Variants in AP2A2 observed in about 807,000 individuals in gnomAD.
The protein encoded by AP2A2 is adaptor related protein complex 2 subunit alpha 2, also known as AP-2 complex subunit alpha-2.
Under a neutral mutation model 104.2 loss-of-function variants are expected in AP2A2, and 32 were observed. The ratio of observed to expected loss-of-function variants is 0.31; its 90% CI spans 0.23 to 0.41. The LOEUF (loss-of-function observed/expected upper bound fraction) is 0.41, where lower values mean the gene tolerates loss of function less well. AP2A2 is among the 10% of genes least tolerant of loss of function. The probability of loss-of-function intolerance (pLI) is 1.00; values close to 1 mark genes in which losing one functional copy is unlikely to be tolerated. For synonymous variants in AP2A2, 539 were observed against 533.3 expected (o/e 1.01, Z -0.15); for missense variants, 912 against 1,261.0 (o/e 0.72, Z 4.19).
rs557830735 is a variant in AP2A2 at position 944,652 on chromosome 11, A to G, written c.68-14785A>G. Among the ~76,000 whole-genome samples the G allele has an allele frequency of 7.9e-5, 12 of 152,218 alleles. No individual in the cohort carries two copies. The South Asian group carries it at 2.5e-3, about 32-fold the overall frequency. On this transcript the variant is annotated intron_variant, in intron 1 of 21. Coordinates refer to ENST00000448903, the MANE Select transcript of AP2A2 (RefSeq NM_012305.4). ...AATGAGGGTATAGGTGTTCAATTTT[A>G]AGTAGAATGATCAGGGCCGGCCCTT...
Position 993,265 on chromosome 11 carries a change from C to T in AP2A2, c.1453-19C>T, listed in dbSNP as rs1353457928. On this transcript the variant is annotated intron_variant, in intron 11 of 21. Coordinates refer to ENST00000448903, the MANE Select transcript of AP2A2 (RefSeq NM_012305.4). The surrounding 1 kb of genome is among the most constrained non-coding windows in gnomAD (Gnocchi z 8.2). ...CTGGCACCTGGCTGCCACCCCGGCT[C>T]ATTGTTTGTGCTTCGCAGGCTCTTC... 6.3e-7 allele frequency: 1 copy of T among 1,595,656 alleles called. No homozygotes were observed. Among genetic ancestry groups the T allele is most frequent in the East Asian group, 2.2e-5 (1 of 44,450 alleles).
intron 5 of AP2A2, among the ~76,000 whole-genome samples, chr11:979,271 C>T (rs1238501893): frequency 6.6e-6 from 1 of 150,466 alleles, no homozygotes; most frequent in South Asian, 2.2e-4. Flanking sequence ...CGTGAACATT[C>T]AGGAGCCCCG....
intron 6 of AP2A2, among the ~76,000 whole-genome samples, chr11:982,620 A>G (rs1656488199): frequency 6.6e-6 from 1 of 150,780 alleles, no homozygotes; most frequent in Admixed American, 6.6e-5. Context: ...ACTGGTAAAA[A>G]CATTTGAACT....
intron 9 of AP2A2, 146 bp downstream of exon 9, chr11:987,099 C>A: frequency 1.0e-6 from 1 of 997,186 alleles, no homozygotes. Flanking sequence ...GTCACCTACT[C>A]TTGGGAGGTC....
chr11:952,009 C>T (rs780205065), intron 1 of AP2A2, among the ~76,000 whole-genome samples: 2 of 152,054 alleles, frequency 1.3e-5, no homozygotes, highest in African/African-American at 4.8e-5. Flanking sequence ...GCTGGGACCA[C>T]AGGCATGCAC....
chr11:993,711 G>A lies in AP2A2; in HGVS notation c.1551-43G>A, dbSNP rs765375269. Reference sequence around the variant, plus strand: ...CCCGCGGGGGCGTGCTGCAGCCTGCGAGGGGACGACGGTGTCCCTGTGTTG... The same window carrying A: ...CCCGCGGGGGCGTGCTGCAGCCTGCAAGGGGACGACGGTGTCCCTGTGTTG... On this transcript the variant is annotated intron_variant, in intron 12 of 21. Transcript: ENST00000448903. This position sits in a 1 kb window ranked among gnomAD's most constrained non-coding sequence, Gnocchi z 8.2. 119 of 1,481,116 alleles carry A rather than the reference G, an allele frequency of 8.0e-5. No homozygotes were observed. The highest frequency in any genetic ancestry group is 3.7e-4 in the South Asian group (30 of 81,396). 91.7% of individuals were successfully genotyped at this position (1,481,116 alleles called of 1,614,324 possible).
At chr11:1,002,300 A>AC (rs944732868) in intron 15 of AP2A2, among the ~76,000 whole-genome samples, 9 of 152,014 alleles carry the variant, frequency 5.9e-5, no homozygotes, top group African/African-American at 1.9e-4. Flanking sequence ...GAGCACGTGG[A>AC]CCTCCGCCTC....
At chr11:977,388 G>A (rs1855082993) in intron 5 of AP2A2, among the ~76,000 whole-genome samples, 164 bp downstream of exon 5, 1 of 151,886 alleles carries the variant, frequency 6.6e-6, no homozygotes, top group Non-Finnish European at 1.5e-5. Context: ...GGGGCTGGAT[G>A]AGTAAGACTC....
At chr11:970,343 G>A in intron 3 of AP2A2, 32 bp downstream of exon 3, 1 of 1,607,516 alleles carries the variant, frequency 6.2e-7, no homozygotes, top group Non-Finnish European at 8.5e-7. Flanking sequence ...GACGGCAGAG[G>A]ATGGCGTGGG....
intron 8 of AP2A2, 117 bp from the exon 9 acceptor site, chr11:986,668 G>A: frequency 2.4e-6 from 3 of 1,269,532 alleles, no homozygotes. Flanking sequence ...TGTGGTGGCG[G>A]TGAGTGCCGT....
intron 1 of AP2A2, among the ~76,000 whole-genome samples, chr11:947,478 A>G (rs1853886855): frequency 6.6e-6 from 1 of 152,180 alleles, no homozygotes; most frequent in Non-Finnish European, 1.5e-5. Flanking sequence ...GTTTGTGTTA[A>G]TCAAAACTGG....
In AP2A2 at chr11:993,675, GCCGT is replaced by G; in HGVS notation, c.1551-76_1551-73del. On this transcript the variant is annotated intron_variant, in intron 12 of 21. Coordinates refer to ENST00000448903, the MANE Select transcript of AP2A2 (RefSeq NM_012305.4). The surrounding 1 kb of genome is among the most constrained non-coding windows in gnomAD (Gnocchi z 8.2). ...CTGGTGCAGGCCAGGGGGTCTCGCCGCCGTCCCCCCCCCGCGGGGGCGTGCTGCA... is the reference window on the plus strand; with the variant it reads ...CTGGTGCAGGCCAGGGGGTCTCGCCGCCCCCCCCCGCGGGGGCGTGCTGCA... 8.6e-7 allele frequency: 1 copy of G among 1,165,982 alleles called. No individual in the cohort carries two copies. The highest frequency in any genetic ancestry group is 1.5e-5 in the South Asian group (1 of 68,936). The allele number at this position is 1,165,982 out of a possible 1,614,324, so 72.2% of individuals were successfully genotyped here. A position where few individuals can be genotyped will look rare whatever the true frequency, so the allele number is the denominator to read the frequency against.
chr11:938,675 C>T (rs571631268), intron 1 of AP2A2, among the ~76,000 whole-genome samples: 55 of 151,942 alleles, frequency 3.6e-4, no homozygotes, highest in South Asian at 2.7e-3. Flanking sequence ...GGGGTTTCAC[C>T]GTGTTAACCA....
intron 2 of AP2A2, 150 bp downstream of exon 2, chr11:959,655 A>G (rs117981234): frequency 0.021 from 13,238 of 629,400 alleles, 209 homozygotes; most frequent in Non-Finnish European, 0.03. Context: ...AGAATTAGGA[A>G]ATGGCATGTG....
At chr11:954,938 G>A (rs763979377) in intron 1 of AP2A2, among the ~76,000 whole-genome samples, 9 of 152,264 alleles carry the variant, frequency 5.9e-5, no homozygotes, top group South Asian at 2.1e-4. Flanking sequence ...TGTAGATTCC[G>A]TTTAGGAAAG....
At chr11:944,252 G>A (rs917410459) in intron 1 of AP2A2, among the ~76,000 whole-genome samples, 1 of 152,188 alleles carries the variant, frequency 6.6e-6, no homozygotes, top group African/African-American at 2.4e-5. Flanking sequence ...CAGCTGTGTT[G>A]CTCAGAAGCT....
intron 1 of AP2A2, among the ~76,000 whole-genome samples, chr11:931,153 C>T (rs1210136856): frequency 1.3e-5 from 2 of 152,070 alleles, no homozygotes; most frequent in Non-Finnish European, 2.9e-5. Flanking sequence ...GCTTTTTTCC[C>T]CCTCAGTACA....
intron 14 of AP2A2, among the ~76,000 whole-genome samples, chr11:998,616 G>T (rs1162215841): frequency 6.6e-6 from 1 of 151,736 alleles, no homozygotes; most frequent in Non-Finnish European, 1.5e-5. Context: ...TCTGTTTTTT[G>T]CCTGTGAAAT....
Position 1,006,565 on chromosome 11 carries a change from G to C in AP2A2, c.2244G>C (p.Thr748=). The change falls in exon 17 of 22, where the codon ACG becomes ACC. Residue 748 remains threonine, a synonymous_variant. Transcript: ENST00000448903. ...MFIFYGNKTS[T]QFLNFTPTLI... is the part of the protein sequence containing the mutation. ...TCTTTTATGGTAATAAGACCTCCACGCAGTTCCTAAACTTTACCCCAACAC... is the reference window on the plus strand; with the variant it reads ...TCTTTTATGGTAATAAGACCTCCACCCAGTTCCTAAACTTTACCCCAACAC... The C allele has an allele frequency of 1.2e-6, 2 of 1,613,646 alleles. No individual in the cohort carries two copies. Among genetic ancestry groups the C allele is most frequent in the Non-Finnish European group, 1.7e-6 (2 of 1,179,788 alleles).
Sources: allele counts gnomAD v4.1 joint callset (sites outside exome capture counted in the v4.1 genomes callset), GRCh38; gene constraint gnomAD v4.1.1; non-coding constraint Gnocchi (gnomAD v3.1); transcripts MANE v1.5; gene names NCBI Gene and HGNC (gene_info 2026-07-23, HGNC 2026-07-21).